Variants in PRKCE observed in about 807,000 individuals in gnomAD.
PRKCE encodes protein kinase C epsilon, also known as protein kinase C epsilon type.
In PRKCE, 16 loss-of-function variants were observed where a neutral mutation model predicts 85.4. The observed-to-expected ratio is 0.19, with a 90% CI of 0.13 to 0.28. The LOEUF is 0.28. PRKCE is among the 10% of genes least tolerant of loss of function. PRKCE has a pLI of 1.00. For synonymous variants in PRKCE, 388 were observed against 371.5 expected, an observed-to-expected ratio of 1.04 and a Z score of -0.51; for missense variants, 573 against 975.2, an observed-to-expected ratio of 0.59 and a Z score of 5.49.
intron 11 of PRKCE, among the ~76,000 whole-genome samples, chr2:46,098,083 G>A (rs1354426289): frequency 6.6e-6 from 1 of 152,152 alleles, no homozygotes; most frequent in African/African-American, 2.4e-5. Context: ...AAATTTGAGT[G>A]TTTCAGCTAG....
chr2:45,755,843 A>G (rs1464684188), intron 1 of PRKCE, among the ~76,000 whole-genome samples: 1 of 152,188 alleles, frequency 6.6e-6, no homozygotes, highest in Non-Finnish European at 1.5e-5. Flanking sequence ...CAGAGGAGGG[A>G]AAGCTCCTTG....
intron 10 of PRKCE, among the ~76,000 whole-genome samples, chr2:46,070,487 CA>C (rs1156563976): frequency 6.6e-6 from 1 of 152,194 alleles, no homozygotes; most frequent in South Asian, 2.1e-4. Flanking sequence ...ACTAAAAATA[CA>C]AAAAATTAGC....
intron 6 of PRKCE, 86 bp downstream of exon 6, chr2:45,984,766 G>C: frequency 6.6e-7 from 1 of 1,513,680 alleles, no homozygotes; most frequent in Non-Finnish European, 8.8e-7. Flanking sequence ...AAAAACCCTT[G>C]TCTGATTCCA....
At chr2:45,902,718 C>T (rs1173352794) in intron 2 of PRKCE, among the ~76,000 whole-genome samples, 1 of 152,112 alleles carries the variant, frequency 6.6e-6, no homozygotes, top group Non-Finnish European at 1.5e-5. Flanking sequence ...GCCCCCAGAC[C>T]TAAAGTAGGG....
intron 10 of PRKCE, among the ~76,000 whole-genome samples, chr2:46,084,093 G>A (rs180960281): frequency 1.3e-5 from 2 of 152,160 alleles, no homozygotes; most frequent in Non-Finnish European, 2.9e-5. Flanking sequence ...TAAACAGTGG[G>A]CAAGGCAGCC....
intron 1 of PRKCE, among the ~76,000 whole-genome samples, chr2:45,730,944 T>C (rs1042118872): frequency 5.3e-5 from 8 of 152,218 alleles, no homozygotes; most frequent in Non-Finnish European, 1.2e-4. Flanking sequence ...GGAGCAATGA[T>C]ATTCCTGGAT....
At chr2:45,984,813 C>CCTGCATT in intron 6 of PRKCE, 133 bp downstream of exon 6, 1 of 1,270,054 alleles carries the variant, frequency 7.9e-7, no homozygotes, top group Non-Finnish European at 1.1e-6. Flanking sequence ...CTTTGTTAAT[C>CCTGCATT]CTGCATTAGT....
At chr2:45,790,265 T>G (rs1448093685) in intron 1 of PRKCE, among the ~76,000 whole-genome samples, 2 of 152,174 alleles carry the variant, frequency 1.3e-5, no homozygotes, top group Non-Finnish European at 2.9e-5. Context: ...CACCAAATCC[T>G]CCAGTGTTGT....
At chr2:46,142,650 T>A (rs1194650967) in intron 11 of PRKCE, among the ~76,000 whole-genome samples, 1 of 152,128 alleles carries the variant, frequency 6.6e-6, no homozygotes, top group African/African-American at 2.4e-5. Context: ...GGACCACCTT[T>A]CCCCTGGGGA....
chr2:45,919,303 G>A (rs529377034), intron 2 of PRKCE, among the ~76,000 whole-genome samples: 3 of 152,208 alleles, frequency 2.0e-5, no homozygotes, highest in Non-Finnish European at 4.4e-5. Context: ...GGGAAGGCTG[G>A]GCTGGGCCGT....
At position 46,138,125 on chromosome 2, in the gene PRKCE, A is replaced by G. The variant is rs1401350663; in HGVS notation, c.1593-6968A>G. Among the ~76,000 whole-genome samples, 2 of 152,018 alleles carry G rather than the reference A, an allele frequency of 1.3e-5. No individual in the cohort carries two copies. Among genetic ancestry groups the G allele is most frequent in the Non-Finnish European group, 2.9e-5 (2 of 67,984 alleles). ...TGTTTAGGGAATTTCCTTTCTTGTC[A>G]TGTTGTGATTTTCTGGAAGAGATCT... On this transcript the variant is annotated intron_variant, in intron 11 of 14. Transcript: ENST00000306156. This position sits in a 1 kb window ranked among gnomAD's most constrained non-coding sequence, Gnocchi z 4.2.
At chr2:46,078,645 T>C (rs916011392) in intron 10 of PRKCE, 1 of 152,176 alleles carries the variant, frequency 6.6e-6, no homozygotes, top group South Asian at 2.1e-4. Context: ...ATGCACTGTT[T>C]CCTAAATGAC....
chr2:45,718,468 C>T (rs145377196), intron 1 of PRKCE, among the ~76,000 whole-genome samples: 1 of 151,160 alleles, frequency 6.6e-6, no homozygotes, highest in African/African-American at 2.4e-5. Context: ...CCTCAGCCTC[C>T]TGAGTAGCTG....
intron 10 of PRKCE, among the ~76,000 whole-genome samples, chr2:46,057,011 G>C (rs1000831602): frequency 6.6e-6 from 1 of 152,128 alleles, no homozygotes; most frequent in African/African-American, 2.4e-5. Flanking sequence ...GGGGATGGAG[G>C]GGGTGGAAAC....
chr2:45,856,159 G>C (rs1047051566), intron 2 of PRKCE, among the ~76,000 whole-genome samples: 3 of 152,098 alleles, frequency 2.0e-5, no homozygotes, highest in African/African-American at 7.2e-5. Flanking sequence ...TTCAATGCAT[G>C]TGTACATAGT....
Position 45,786,050 on chromosome 2 carries a change from G to A in PRKCE, c.349-56950G>A, listed in dbSNP as rs1421999266. On this transcript the variant is annotated intron_variant, in intron 1 of 14. Coordinates refer to ENST00000306156, the MANE Select transcript of PRKCE (RefSeq NM_005400.3). This position sits in a 1 kb window ranked among gnomAD's most constrained non-coding sequence, Gnocchi z 5.3. ...GTCTAGAGTCTCACAGCCCTGCTGG[G>A]TCATCGTGGGGGTGAATAGATACCT... Among the ~76,000 whole-genome samples the A allele has an allele frequency of 6.6e-6, 1 of 152,144 alleles. No homozygotes were observed. The highest frequency in any genetic ancestry group is 2.4e-5 in the African/African-American group (1 of 41,416).
chr2:46,124,403 T>C (rs1232314848), intron 11 of PRKCE, among the ~76,000 whole-genome samples: 1 of 152,214 alleles, frequency 6.6e-6, no homozygotes, highest in Non-Finnish European at 1.5e-5. Flanking sequence ...GTTGCTGCCT[T>C]CCGAGATGTA....
intron 14 of PRKCE, among the ~76,000 whole-genome samples, chr2:46,162,140 G>A (rs1007671799): frequency 5.9e-5 from 9 of 152,260 alleles, no homozygotes; most frequent in African/African-American, 2.2e-4. Context: ...CTGTGGGCAG[G>A]GGTATGAGGG....
At chr2:45,765,083 C>T (rs866075989) in intron 1 of PRKCE, among the ~76,000 whole-genome samples, 5 of 152,168 alleles carry the variant, frequency 3.3e-5, no homozygotes, top group Non-Finnish European at 7.3e-5. Flanking sequence ...CCCACTCACA[C>T]GGGCCTTGTT....
Sources: allele counts gnomAD v4.1 joint callset (sites outside exome capture counted in the v4.1 genomes callset), GRCh38; gene constraint gnomAD v4.1.1; non-coding constraint Gnocchi (gnomAD v3.1); transcripts MANE v1.5; gene names NCBI Gene and HGNC (gene_info 2026-07-23, HGNC 2026-07-21).